XPO7: variants seen among roughly 807,000 people sequenced by gnomAD.
XPO7 encodes the protein exportin 7.
Under a neutral mutation model 144.3 loss-of-function variants are expected in XPO7, and 21 were observed. The ratio of observed to expected loss-of-function variants is 0.15; its 90% CI spans 0.10 to 0.21. The LOEUF (loss-of-function observed/expected upper bound fraction) is 0.21. Ranked by LOEUF, XPO7 falls within the 10% of genes least tolerant of loss-of-function variation. The pLI is 1.00. For missense variants in XPO7, 808 were observed against 1,325.8 expected (o/e 0.61, Z 6.06); for synonymous variants, 580 against 499.6 (o/e 1.16, Z -2.15).
intron 1 of XPO7, among the ~76,000 whole-genome samples, chr8:21,950,704 ATATT>A (rs766619648): frequency 2.3e-4 from 35 of 152,272 alleles, no homozygotes; most frequent in Admixed American, 3.9e-4. Flanking sequence ...ATATACATAT[ATATT>A]CATATTTGTT....
At chr8:21,968,350 A>T (rs1811950768) in intron 2 of XPO7, among the ~76,000 whole-genome samples, 1 of 152,258 alleles carries the variant, frequency 6.6e-6, no homozygotes, top group East Asian at 1.9e-4. Flanking sequence ...TACAGTAAAT[A>T]GAACAAATTA....
chr8:21,972,558 G>GC (rs1812101519), intron 5 of XPO7, among the ~76,000 whole-genome samples: 2 of 152,270 alleles, frequency 1.3e-5, no homozygotes, highest in South Asian at 2.1e-4. Context: ...CCTTTTGTGT[G>GC]CCCCTTCTGC....
chr8:21,978,226 G>A (rs895485518), intron 8 of XPO7, among the ~76,000 whole-genome samples: 5 of 152,140 alleles, frequency 3.3e-5, no homozygotes, highest in African/African-American at 1.2e-4. Context: ...TGTCATAAAT[G>A]GAAACTGTGA....
At chr8:21,970,381 C>A in intron 4 of XPO7, 71 bp downstream of exon 4, 4 of 1,366,622 alleles carry the variant, frequency 2.9e-6, no homozygotes, top group Non-Finnish European at 4.0e-6. Context: ...CACACACACA[C>A]ACACACACAC....
chr8:21,938,225 T>G (rs1189035494), intron 1 of XPO7, among the ~76,000 whole-genome samples: 1 of 152,222 alleles, frequency 6.6e-6, no homozygotes, highest in Non-Finnish European at 1.5e-5. Context: ...ATATGTTAGA[T>G]GATAATGTCT....
intron 1 of XPO7, among the ~76,000 whole-genome samples, chr8:21,956,830 T>A (rs2117302425): frequency 6.6e-6 from 1 of 152,296 alleles, no homozygotes; most frequent in South Asian, 2.1e-4. Flanking sequence ...TCAAGTTTCC[T>A]TCTCCCTATA....
intron 2 of XPO7, among the ~76,000 whole-genome samples, chr8:21,968,862 A>G (rs1319158518): frequency 1.3e-5 from 2 of 152,252 alleles, no homozygotes; most frequent in Admixed American, 1.3e-4. Context: ...TGTTAAACCC[A>G]CATTTGAGAA....
chr8:21,954,710 T>G (rs1426450991), intron 1 of XPO7, among the ~76,000 whole-genome samples: 1 of 152,154 alleles, frequency 6.6e-6, no homozygotes, highest in African/African-American at 2.4e-5. Context: ...GCAGTGTAGC[T>G]TACATGAGAA....
Position 21,991,983 on chromosome 8 carries a change from G to C in XPO7, c.2148+9G>C. On this transcript the variant is annotated intron_variant, in intron 19 of 27. Coordinates refer to ENST00000252512, the MANE Select transcript of XPO7 (RefSeq NM_015024.5). ...ACGAGCAGGAGGCAAAGGTGAGTGA[G>C]TCTTTCACCCAGTAATTAATCAGCT... 1 of 1,605,190 alleles carries C rather than the reference G, an allele frequency of 6.2e-7. No individual in the cohort carries two copies. Among genetic ancestry groups the C allele is most frequent in the Non-Finnish European group, 8.5e-7 (1 of 1,173,486 alleles).
chr8:21,968,321 A>G (rs1262669218), intron 2 of XPO7, among the ~76,000 whole-genome samples: 1 of 152,256 alleles, frequency 6.6e-6, no homozygotes, highest in African/African-American at 2.4e-5. Flanking sequence ...ACTTTTTATT[A>G]GTATTATAAT....
chr8:21,951,953 C>T (rs983893338), intron 1 of XPO7, among the ~76,000 whole-genome samples: 2 of 152,124 alleles, frequency 1.3e-5, no homozygotes, highest in Non-Finnish European at 1.5e-5. Flanking sequence ...TGGTGATAAC[C>T]AGCCCAGTCT....
chr8:21,945,584 C>T (rs982199707), intron 1 of XPO7, among the ~76,000 whole-genome samples: 48 of 152,128 alleles, frequency 3.2e-4, no homozygotes, highest in African/African-American at 1.1e-3. Flanking sequence ...TCTGAAAATC[C>T]TCCTACTGTA....
At chr8:21,966,796 GCA>G (rs1811899525) in intron 1 of XPO7, 59 bp from the exon 2 acceptor site, 1 of 1,537,060 alleles carries the variant, frequency 6.5e-7, no homozygotes, top group Non-Finnish European at 8.8e-7. Context: ...TTAATTTTAA[GCA>G]CAGTTGCTTA....
chr8:21,987,661 A>G (rs1277179703), intron 14 of XPO7, 123 bp from the exon 15 acceptor site: 10 of 1,060,722 alleles, frequency 9.4e-6, no homozygotes, highest in Non-Finnish European at 1.2e-5. Flanking sequence ...CCTTCAGTAA[A>G]GTCCTCTCTG....
chr8:21,989,432 C>T (rs1039500342), intron 16 of XPO7, among the ~76,000 whole-genome samples: 5 of 152,320 alleles, frequency 3.3e-5, no homozygotes, highest in African/African-American at 1.2e-4. Context: ...GTCCCATCAG[C>T]TGGTTGGTAG....
At chr8:21,936,477 C>G (rs1021001835) in intron 1 of XPO7, among the ~76,000 whole-genome samples, 1 of 152,212 alleles carries the variant, frequency 6.6e-6, no homozygotes, top group East Asian at 1.9e-4. Context: ...GATACATACT[C>G]TAAAGATAGT....
At chr8:21,931,920 T>G (rs1420830497) in intron 1 of XPO7, among the ~76,000 whole-genome samples, 1 of 152,190 alleles carries the variant, frequency 6.6e-6, no homozygotes, top group East Asian at 1.9e-4. Flanking sequence ...TTGCCTAGGT[T>G]GGAGTGCAGT....
intron 1 of XPO7, among the ~76,000 whole-genome samples, chr8:21,946,539 T>C (rs1335850442): frequency 2.0e-5 from 2 of 98,850 alleles, no homozygotes; most frequent in South Asian, 2.9e-4. Context: ...ACGAAATAAC[T>C]AGAAAGACAC....
chr8:21,973,398 A>G (rs138429111), intron 5 of XPO7, among the ~76,000 whole-genome samples: 1 of 152,364 alleles, frequency 6.6e-6, no homozygotes, highest in African/African-American at 2.4e-5. Context: ...TATGATCAAT[A>G]TAACAGATTG....
Sources: allele counts gnomAD v4.1 joint callset (sites outside exome capture counted in the v4.1 genomes callset), GRCh38; gene constraint gnomAD v4.1.1; transcripts MANE v1.5; gene names NCBI Gene and HGNC (gene_info 2026-07-23, HGNC 2026-07-21).